Variants in CSMD1 observed in about 807,000 individuals in gnomAD.
CSMD1 encodes CUB and Sushi multiple domains 1, also known as CUB and sushi domain-containing protein 1.
CSMD1 carries 213 observed loss-of-function variants against 417.5 expected under a neutral mutation model. The ratio of observed to expected loss-of-function variants is 0.51; its 90% CI spans 0.46 to 0.57. CSMD1 has a LOEUF of 0.57. CSMD1 is among the 20% of genes least tolerant of loss of function. The pLI is 0.00. For missense variants in CSMD1, 6,923 were observed against 4,529.7 expected (o/e 1.53, Z -15.17); for synonymous variants, 2,862 against 1,736.8 (o/e 1.65, Z -16.11).
chr8:3,760,226 G>C (rs139630697), intron 5 of CSMD1, among the ~76,000 whole-genome samples: 1 of 152,118 alleles, frequency 6.6e-6, no homozygotes, highest in Non-Finnish European at 1.5e-5. Context: ...TGGGAATGTT[G>C]GACAGCTCCT....
At chr8:3,929,054 T>C (rs889092526) in intron 5 of CSMD1, among the ~76,000 whole-genome samples, 1 of 150,460 alleles carries the variant, frequency 6.6e-6, no homozygotes, top group Non-Finnish European at 1.5e-5. Flanking sequence ...TGCCATCTAC[T>C]AATTGCAGAA....
At chr8:3,725,223 T>C (rs903875376) in intron 6 of CSMD1, among the ~76,000 whole-genome samples, 2 of 152,022 alleles carry the variant, frequency 1.3e-5, no homozygotes, top group Non-Finnish European at 2.9e-5. Flanking sequence ...GAGATTAGTG[T>C]TGCTAGGAAG....
intron 7 of CSMD1, among the ~76,000 whole-genome samples, chr8:3,676,583 G>A (rs545765730): frequency 2.0e-5 from 3 of 152,126 alleles, no homozygotes; most frequent in African/African-American, 2.4e-5. Context: ...TCATATACAC[G>A]GATATATGGA....
chr8:3,485,807 T>C lies in CSMD1; in HGVS notation c.1448+7816A>G, dbSNP rs919013983. ...TAAAATAAAATAAAATAAAATAAAA[T>C]AAAATAAAATAAAATAAAATAAAAT... On this transcript the variant is annotated intron_variant, in intron 11 of 69. Transcript: ENST00000635120. Among the ~76,000 whole-genome samples the C allele has an allele frequency of 8.7e-5, 13 of 149,042 alleles. 1 individual carries two copies. The highest frequency in any genetic ancestry group is 2.9e-4 in the African/African-American group (12 of 40,696).
At chr8:3,257,992 G>T (rs1282540275) in intron 26 of CSMD1, among the ~76,000 whole-genome samples, 3 of 152,188 alleles carry the variant, frequency 2.0e-5, no homozygotes, top group Non-Finnish European at 2.9e-5. Flanking sequence ...GAAGGCTATT[G>T]CAGGGGCACG....
chr8:4,852,177 T>C (rs1801520023), intron 1 of CSMD1, among the ~76,000 whole-genome samples: 1 of 152,210 alleles, frequency 6.6e-6, no homozygotes, highest in African/African-American at 2.4e-5. Flanking sequence ...GCCAGCATTG[T>C]TCTATAACAG....
chr8:4,140,549 T>C (rs974346123), intron 3 of CSMD1, among the ~76,000 whole-genome samples: 1 of 150,852 alleles, frequency 6.6e-6, no homozygotes, highest in East Asian at 1.9e-4. Context: ...GCACCTGTAG[T>C]CTCAGCTACT....
intron 26 of CSMD1, among the ~76,000 whole-genome samples, chr8:3,257,238 C>T (rs7463746): frequency 0.3 from 45,827 of 152,068 alleles, 7,149 homozygotes; most frequent in Admixed American, 0.35. Flanking sequence ...GCAGGAGAAT[C>T]GCTTCAACCT....
chr8:4,203,169 T>C (rs375251973), intron 3 of CSMD1, among the ~76,000 whole-genome samples: 5 of 152,188 alleles, frequency 3.3e-5, no homozygotes, highest in East Asian at 3.9e-4. Context: ...GAGGGACATG[T>C]CATTTAAAAA....
At chr8:4,913,538 G>C (rs1410887490) in intron 1 of CSMD1, among the ~76,000 whole-genome samples, 1 of 152,098 alleles carries the variant, frequency 6.6e-6, no homozygotes, top group African/African-American at 2.4e-5. Context: ...TGCCCTCAAA[G>C]AGCTCTACAG....
chr8:3,920,159 G>A (rs571947451), intron 5 of CSMD1, among the ~76,000 whole-genome samples: 4 of 151,982 alleles, frequency 2.6e-5, no homozygotes, highest in Admixed American at 6.6e-5. Context: ...TTAGTCTTCT[G>A]AGAAGCTGGG....
chr8:3,351,904 C>A (rs1006188508), intron 21 of CSMD1, among the ~76,000 whole-genome samples: 2 of 151,818 alleles, frequency 1.3e-5, no homozygotes, highest in African/African-American at 4.8e-5. Flanking sequence ...TAAATTATGA[C>A]TTTTACATCT....
intron 23 of CSMD1, among the ~76,000 whole-genome samples, chr8:3,313,033 G>A (rs1329373209): frequency 6.6e-6 from 1 of 151,150 alleles, no homozygotes. Context: ...ATGTGTAATA[G>A]GAGAATTCTG....
chr8:4,101,567 A>G (rs761948222), intron 3 of CSMD1, among the ~76,000 whole-genome samples: 4 of 152,218 alleles, frequency 2.6e-5, no homozygotes, highest in Non-Finnish European at 5.9e-5. Context: ...GAAGTTTCTT[A>G]ATTTTACAGA....
chr8:3,283,467 C>T (rs747555113), intron 26 of CSMD1, among the ~76,000 whole-genome samples: 8 of 151,890 alleles, frequency 5.3e-5, no homozygotes, highest in Non-Finnish European at 1.2e-4. Context: ...CTAAGTAGGT[C>T]CATTGCTGGT....
chr8:3,036,617 C>T (rs550972266), intron 50 of CSMD1, among the ~76,000 whole-genome samples: 37 of 152,206 alleles, frequency 2.4e-4, no homozygotes, highest in African/African-American at 8.9e-4. Context: ...GAGAGAAAAA[C>T]TGGTGTTAGT....
chr8:3,604,448 A>T (rs1265380862), intron 8 of CSMD1, among the ~76,000 whole-genome samples: 1 of 152,194 alleles, frequency 6.6e-6, no homozygotes, highest in South Asian at 2.1e-4. Flanking sequence ...AGGACAGAAG[A>T]TGTCAACATA....
At chr8:4,127,691 G>A (rs915626672) in intron 3 of CSMD1, among the ~76,000 whole-genome samples, 1 of 152,022 alleles carries the variant, frequency 6.6e-6, no homozygotes, top group Non-Finnish European at 1.5e-5. Flanking sequence ...TTAAATAATA[G>A]GCAGTCATGA....
chr8:3,593,589 G>A (rs2469358), intron 8 of CSMD1, among the ~76,000 whole-genome samples: 104,135 of 152,100 alleles, frequency 0.68, 35,879 homozygotes, highest in Middle Eastern at 0.76. Flanking sequence ...CTGCTTCACT[G>A]GGAAATCACT....
Sources: gnomAD v4.1 joint callset for allele counts (sites outside exome capture counted in the v4.1 genomes callset) on GRCh38, gnomAD v4.1.1 for gene constraint, MANE v1.5 for transcripts, NCBI Gene and HGNC (gene_info 2026-07-23, HGNC 2026-07-21) for gene names.